Variants in DNAH11 observed in about 807,000 individuals in gnomAD.
DNAH11 encodes dynein axonemal heavy chain 11.
A neutral mutation model predicts 526.0 loss-of-function variants in DNAH11; 442 were observed. The observed-to-expected ratio is 0.84, with a 90% CI of 0.78 to 0.91. The LOEUF (loss-of-function observed/expected upper bound fraction) is 0.91, where lower values mean the gene tolerates loss of function less well. Ranked by LOEUF, DNAH11 falls within the 40% of genes least tolerant of loss-of-function variation. The pLI, the probability that DNAH11 is intolerant of heterozygous loss-of-function variation, is 0.00. For synonymous variants in DNAH11, 2,461 were observed against 1,935.9 expected, an observed-to-expected ratio of 1.27 and a Z score of -7.12; for missense variants, 6,989 against 5,448.7, an observed-to-expected ratio of 1.28 and a Z score of -8.90.
intron 14 of DNAH11, among the ~76,000 whole-genome samples, chr7:21,598,190 C>T (rs1004983212): frequency 6.6e-6 from 1 of 152,134 alleles, no homozygotes; most frequent in Admixed American, 6.5e-5. Context: ...GCTCTTATTC[C>T]AGTGTCACCT....
At position 21,570,320 on chromosome 7, in the gene DNAH11, T is replaced by C. The variant is rs570846820; in HGVS notation, c.1425+21T>C. On this transcript the variant is annotated intron_variant, in intron 7 of 81. Coordinates refer to ENST00000409508, the MANE Select transcript of DNAH11 (RefSeq NM_001277115.2). Reference sequence around the variant, plus strand: ...TAGAGGTATTCATTTTTTGATTTTATTTATTCATGTTGAAGGTGGGTGCAA... The same window carrying C: ...TAGAGGTATTCATTTTTTGATTTTACTTATTCATGTTGAAGGTGGGTGCAA... The C allele has an allele frequency of 1.3e-5, 21 of 1,574,364 alleles. No individual in the cohort carries two copies. The African/African-American group carries it at 1.6e-4, about 12-fold the overall frequency.
intron 73 of DNAH11, among the ~76,000 whole-genome samples, chr7:21,869,738 C>A (rs1783426169): frequency 6.6e-6 from 1 of 152,236 alleles, no homozygotes; most frequent in Admixed American, 6.5e-5. Flanking sequence ...TCCAACTCTG[C>A]CCCTACCTAG....
chr7:21,737,192 T>C (rs1785656502), intron 46 of DNAH11, among the ~76,000 whole-genome samples: 1 of 152,074 alleles, frequency 6.6e-6, no homozygotes, highest in South Asian at 2.1e-4. Context: ...AGCAAAGACA[T>C]GGAAGAGAGA....
chr7:21,558,769 TA>T, intron 2 of DNAH11, 32 bp from the exon 3 acceptor site: 1 of 1,500,816 alleles, frequency 6.7e-7, no homozygotes, highest in Non-Finnish European at 9.0e-7. Flanking sequence ...GCATTGTCTG[TA>T]AATTAATTTA....
chr7:21,784,532 C>T lies in DNAH11; in HGVS notation c.9589C>T (p.Leu3197Phe). The T allele has an allele frequency of 6.2e-7, 1 of 1,605,810 alleles. No individual in the cohort carries two copies. The highest frequency in any genetic ancestry group is 8.5e-7 in the Non-Finnish European group (1 of 1,175,760). Residue 3197 changes from leucine (L) to phenylalanine (F), a missense_variant, in exon 58 of 82, where the codon CTC becomes TTC. Transcript: ENST00000409508. ...GGCTGCTACAGCTGCACTCAATACA[C>T]TCAACAGGGTAAAGATAATTTATTG... ...LVAATAALNTLNRVNLSELKA... is the reference protein window; with the variant it reads ...LVAATAALNTFNRVNLSELKA...
intron 34 of DNAH11, among the ~76,000 whole-genome samples, chr7:21,690,504 T>C (rs1783570624): frequency 6.6e-6 from 1 of 152,234 alleles, no homozygotes; most frequent in Admixed American, 6.5e-5. Flanking sequence ...TCTTTATTTT[T>C]ATATTCTAGG....
At chr7:21,669,488 G>T (rs1356237761) in intron 30 of DNAH11, among the ~76,000 whole-genome samples, 1 of 152,028 alleles carries the variant, frequency 6.6e-6, no homozygotes, top group African/African-American at 2.4e-5. Context: ...ATTGTTGATT[G>T]TAGGATTTCT....
intron 32 of DNAH11, among the ~76,000 whole-genome samples, 154 bp downstream of exon 32, chr7:21,684,098 C>A (rs535660917): frequency 6.6e-6 from 1 of 152,302 alleles, no homozygotes; most frequent in Admixed American, 6.5e-5. Flanking sequence ...GTTACAGAAG[C>A]TATACAATGC....
chr7:21,673,192 T>C (rs1346040398), intron 30 of DNAH11, among the ~76,000 whole-genome samples: 3 of 152,226 alleles, frequency 2.0e-5, no homozygotes, highest in Non-Finnish European at 4.4e-5. Context: ...TTGCCTGGTC[T>C]GATACCCTGT....
intron 14 of DNAH11, among the ~76,000 whole-genome samples, chr7:21,592,211 A>G (rs1784713749): frequency 6.6e-6 from 1 of 152,212 alleles, no homozygotes; most frequent in Non-Finnish European, 1.5e-5. Flanking sequence ...ACAAATAGAT[A>G]TGTCAGTTGT....
chr7:21,776,521 T>A (rs963218945), intron 56 of DNAH11, among the ~76,000 whole-genome samples: 6 of 152,174 alleles, frequency 3.9e-5, no homozygotes, highest in African/African-American at 1.4e-4. Flanking sequence ...ACATTAGCAA[T>A]GTTCCTTCTT....
chr7:21,739,622 C>A lies in DNAH11; in HGVS notation c.7863C>A (p.Val2621=). The change falls in exon 48 of 82, where the codon GTC becomes GTA. Residue 2621 remains valine (V), a synonymous_variant. Coordinates refer to ENST00000409508, the MANE Select transcript of DNAH11 (RefSeq NM_001277115.2). ...AAGAAATCCATAACTGCCAGTATGTCGCCTGCATGAATCCGATGGTGGGCA... is the reference window on the plus strand; with the variant it reads ...AAGAAATCCATAACTGCCAGTATGTAGCCTGCATGAATCCGATGGTGGGCA... ...MLKEIHNCQY[V]ACMNPMVGSF... 1 of 1,612,764 alleles carries A rather than the reference C, an allele frequency of 6.2e-7. No homozygotes were observed. The highest frequency in any genetic ancestry group is 2.2e-5 in the East Asian group (1 of 44,832).
chr7:21,894,103 G>C (rs1215835271), intron 77 of DNAH11, among the ~76,000 whole-genome samples: 1 of 152,126 alleles, frequency 6.6e-6, no homozygotes, highest in East Asian at 1.9e-4. Flanking sequence ...TGGCCAGGCT[G>C]GTCTCGAACT....
intron 31 of DNAH11, 102 bp downstream of exon 31, chr7:21,681,779 GTA>G (rs2128472423): frequency 1.4e-6 from 2 of 1,448,528 alleles, no homozygotes; most frequent in Non-Finnish European, 1.9e-6. Context: ...TTGAAAGTTT[GTA>G]TGTTTTAATT....
chr7:21,788,631 A>G (rs1240446291), intron 60 of DNAH11, among the ~76,000 whole-genome samples: 1 of 152,184 alleles, frequency 6.6e-6, no homozygotes, highest in Non-Finnish European at 1.5e-5. Flanking sequence ...CATTCAAACA[A>G]CATGTGCTTA....
At chr7:21,630,307 G>T (rs1240959446) in intron 25 of DNAH11, among the ~76,000 whole-genome samples, 3 of 152,028 alleles carry the variant, frequency 2.0e-5, no homozygotes, top group African/African-American at 7.2e-5. Context: ...GTTTTTGATA[G>T]ATTTGTCTTT....
chr7:21,680,299 C>G (rs1783086671), intron 30 of DNAH11, among the ~76,000 whole-genome samples: 1 of 152,138 alleles, frequency 6.6e-6, no homozygotes, highest in Non-Finnish European at 1.5e-5. Context: ...TAGGTGCTAG[C>G]AGTTTGTCAT....
chr7:21,801,259 C>T lies in DNAH11; in HGVS notation c.10149C>T (p.Val3383=). The T allele has an allele frequency of 1.2e-6, 2 of 1,613,878 alleles. No individual in the cohort carries two copies. Among genetic ancestry groups the T allele is most frequent in the Non-Finnish European group, 1.7e-6 (2 of 1,179,846 alleles). The part of the protein sequence containing the change: ...NKTIKLANRL[V]KELEAKKIRW... ...CCATCAAATTAGCTAACAGACTTGT[C>T]AAGGAACTTGAGGCAAGTTAAACCT... is the stretch of plus-strand genomic sequence containing the variant. Residue 3383 remains valine (V), a synonymous_variant, in exon 62 of 82, where the codon GTC becomes GTT. Coordinates refer to ENST00000409508, the MANE Select transcript of DNAH11 (RefSeq NM_001277115.2).
chr7:21,557,928 T>C (rs1783284911), intron 2 of DNAH11, among the ~76,000 whole-genome samples: 1 of 152,166 alleles, frequency 6.6e-6, no homozygotes, highest in South Asian at 2.1e-4. Context: ...ATGTAATGGG[T>C]GCTAAGTAGG....
Sources: gnomAD v4.1 joint callset for allele counts (sites outside exome capture counted in the v4.1 genomes callset) on GRCh38, gnomAD v4.1.1 for gene constraint, MANE v1.5 for transcripts, NCBI Gene and HGNC (gene_info 2026-07-23, HGNC 2026-07-21) for gene names.